Variants in PRKDC observed in about 807,000 individuals in gnomAD.
The protein encoded by PRKDC is DNA-dependent protein kinase catalytic subunit.
Under a neutral mutation model 486.9 loss-of-function variants are expected in PRKDC, and 82 were observed. That is an observed-to-expected ratio of 0.17 (90% CI 0.14 to 0.20). The LOEUF (loss-of-function observed/expected upper bound fraction) is 0.20. Among genes scored for constraint, PRKDC ranks in the 10% least tolerant of loss-of-function variants. The probability of loss-of-function intolerance (pLI) is 1.00; values close to 1 mark genes in which losing one functional copy is unlikely to be tolerated. For synonymous variants in PRKDC, 1,895 were observed against 1,837.0 expected (o/e 1.03, Z -0.81); for missense variants, 4,504 against 5,038.2 (o/e 0.89, Z 3.21).
rs2087782765 is a variant in PRKDC at position 47,828,272 on chromosome 8, T to C, written c.8473A>G (p.Thr2825Ala). Residue 2825 changes from threonine to alanine, a missense_variant, in exon 62 of 86, where the codon ACA becomes GCA. Transcript: ENST00000314191. ...GTGATGTTGTTTTTTTCAGACAGTG[T>C]CTTAAATTTATCCATCTCTTTCAAA... ...GILKEMDKFK[T>A]LSEKNNITQK... is the part of the protein sequence containing the mutation. 4.3e-6 allele frequency: 7 copies of C among 1,611,612 alleles called. No homozygotes were observed. The East Asian group carries it at 1.3e-4, about 31-fold the overall frequency.
intron 64 of PRKDC, 47 bp from the exon 65 acceptor site, chr8:47,821,839 T>C (rs1202285291): frequency 2.1e-6 from 3 of 1,443,600 alleles, no homozygotes; most frequent in Non-Finnish European, 2.8e-6. Context: ...TTGGAAAGAA[T>C]ACCAATGAGA....
chr8:47,874,885 T>C (rs1475129742), intron 40 of PRKDC, among the ~76,000 whole-genome samples: 1 of 152,050 alleles, frequency 6.6e-6, no homozygotes, highest in Non-Finnish European at 1.5e-5. Context: ...CAAAACCCTG[T>C]GTGTATATAA....
chr8:47,915,500 A>G (rs1319955623), intron 22 of PRKDC, 82 bp from the exon 23 acceptor site: 1 of 824,172 alleles, frequency 1.2e-6, no homozygotes, highest in Non-Finnish European at 1.9e-6. Flanking sequence ...ACTCTTTGCC[A>G]CCCACTTGGA....
At chr8:47,953,040 C>G (rs2090651147) in intron 7 of PRKDC, among the ~76,000 whole-genome samples, 1 of 152,040 alleles carries the variant, frequency 6.6e-6, no homozygotes, top group Non-Finnish European at 1.5e-5. Context: ...ACTCGGGAGG[C>G]TGAGGCAGGA....
chr8:47,799,335 G>T lies in PRKDC; in HGVS notation c.10172C>A (p.Ala3391Glu). Reference sequence around the variant, plus strand: ...GGGAGGCTGGGCCTCCTCCTCAGCCGCCTGCACAGCCTCAGAGAGGTGCTG... The same window carrying T: ...GGGAGGCTGGGCCTCCTCCTCAGCCTCCTGCACAGCCTCAGAGAGGTGCTG... ...AFQHLSEAVQAAEEEAQPPSW... is the reference protein window; with the variant it reads ...AFQHLSEAVQEAEEEAQPPSW... The change falls in exon 72 of 86, where the codon GCG (alanine) becomes GAG (glutamate). Residue 3391 changes from alanine (A) to glutamate (E), a missense_variant. Coordinates refer to ENST00000314191, the MANE Select transcript of PRKDC (RefSeq NM_006904.7). The T allele has an allele frequency of 6.2e-7, 1 of 1,611,116 alleles. No homozygotes were observed. The highest frequency in any genetic ancestry group is 1.3e-5 in the African/African-American group (1 of 74,990).
intron 40 of PRKDC, among the ~76,000 whole-genome samples, chr8:47,870,112 T>C (rs752356601): frequency 6.6e-5 from 10 of 152,174 alleles, no homozygotes; most frequent in Non-Finnish European, 1.5e-4. Flanking sequence ...GAGAAATCAC[T>C]GTCTTGAAGG....
chr8:47,807,512 G>A (rs1324914956), intron 68 of PRKDC, among the ~76,000 whole-genome samples, 186 bp from the exon 69 acceptor site: 4 of 151,884 alleles, frequency 2.6e-5, no homozygotes, highest in African/African-American at 4.8e-5. Flanking sequence ...TCTGCCTCCC[G>A]GGTTCACGTC....
At chr8:47,954,301 C>G (rs1406294604) in intron 5 of PRKDC, 37 bp downstream of exon 5, 7 of 897,238 alleles carry the variant, frequency 7.8e-6, no homozygotes, top group Non-Finnish European at 1.1e-5. Context: ...TATTAATTTG[C>G]TAAACTATTT....
intron 62 of PRKDC, among the ~76,000 whole-genome samples, chr8:47,827,655 T>C (rs896096794): frequency 2.0e-5 from 3 of 152,224 alleles, no homozygotes; most frequent in African/African-American, 7.2e-5. Flanking sequence ...ATTACTCAAG[T>C]ACTATGACAC....
At chr8:47,811,942 A>G (rs926403264) in intron 68 of PRKDC, among the ~76,000 whole-genome samples, 11 of 152,160 alleles carry the variant, frequency 7.2e-5, no homozygotes, top group South Asian at 2.1e-4. Context: ...ATGCCACTGC[A>G]CTCCAGCCTG....
chr8:47,890,205 G>C (rs2089430846), intron 32 of PRKDC, 52 bp downstream of exon 32: 1 of 1,290,946 alleles, frequency 7.7e-7, no homozygotes, highest in Non-Finnish European at 1.1e-6. Context: ...AGAAACCTTT[G>C]AAGTAGTTTT....
At chr8:47,945,862 C>T (rs529644912) in intron 7 of PRKDC, among the ~76,000 whole-genome samples, 2 of 152,232 alleles carry the variant, frequency 1.3e-5, no homozygotes, top group Non-Finnish European at 2.9e-5. Context: ...GCTGGGATTA[C>T]AGGCGCCTGC....
chr8:47,815,739 A>C (rs1280496657), intron 68 of PRKDC, among the ~76,000 whole-genome samples: 1 of 152,240 alleles, frequency 6.6e-6, no homozygotes, highest in Non-Finnish European at 1.5e-5. Flanking sequence ...TTTTGCAACC[A>C]TTATTGTCAA....
At chr8:47,897,102 T>G (rs2089594863) in intron 30 of PRKDC, 59 bp downstream of exon 30, 6 of 1,472,892 alleles carry the variant, frequency 4.1e-6, no homozygotes, top group Non-Finnish European at 5.5e-6. Context: ...CTTCTTTACT[T>G]CTTTTAAATG....
chr8:47,875,925 A>T (rs928716952), intron 40 of PRKDC, among the ~76,000 whole-genome samples: 5 of 152,190 alleles, frequency 3.3e-5, no homozygotes, highest in African/African-American at 7.2e-5. Flanking sequence ...TGATATTTTT[A>T]AAAATATCAG....
intron 21 of PRKDC, among the ~76,000 whole-genome samples, chr8:47,921,638 G>A (rs2090073710): frequency 6.6e-6 from 1 of 152,136 alleles, no homozygotes; most frequent in Admixed American, 6.5e-5. Context: ...TGAGCTCCAT[G>A]AGTCTGACAT....
chr8:47,935,125 AAAAC>A (rs1159475023), intron 13 of PRKDC, 67 bp from the exon 14 acceptor site: 58 of 1,125,920 alleles, frequency 5.2e-5, no homozygotes, highest in African/African-American at 9.6e-5. Flanking sequence ...CTCACAAAAA[AAAAC>A]AAACAGTCAT....
At chr8:47,955,322 C>G (rs1289520145) in intron 4 of PRKDC, among the ~76,000 whole-genome samples, 1 of 149,718 alleles carries the variant, frequency 6.7e-6, no homozygotes, top group Non-Finnish European at 1.5e-5. Context: ...ATTAGCCGGG[C>G]GTAGTGGCGG....
Position 47,819,513 on chromosome 8 carries a change from TAAAAAA to T in PRKDC, c.9337-9_9337-4del. 2.0e-5 allele frequency: 11 copies of T among 551,760 alleles called. No individual in the cohort carries two copies. The highest frequency in any genetic ancestry group is 2.6e-5 in the African/African-American group (1 of 38,736). The allele number at this position is 551,760 out of a possible 1,614,324, so 34.2% of individuals were successfully genotyped here. A position where few individuals can be genotyped will look rare whatever the true frequency, so the allele number is the denominator to read the frequency against. On this transcript the variant is annotated splice_region_variant and splice_polypyrimidine_tract_variant and intron_variant, in intron 66 of 85. Transcript: ENST00000314191. The stretch of plus-strand genomic sequence containing the variant: ...AGGACATCAATACTAGAATAATTCT[TAAAAAA>T]AAAAAAAAAAAAAAAGGGCATTTAC...
Sources: allele counts gnomAD v4.1 joint callset (sites outside exome capture counted in the v4.1 genomes callset), GRCh38; gene constraint gnomAD v4.1.1; transcripts MANE v1.5; gene names NCBI Gene and HGNC (gene_info 2026-07-23, HGNC 2026-07-21).